The following CCDC6 variants were observed in gnomAD, a reference collection of about 807,000 sequenced individuals.
CCDC6 encodes the protein coiled-coil domain containing 6, also known as coiled-coil domain-containing protein 6.
Under a neutral mutation model 56.6 loss-of-function variants are expected in CCDC6, and 20 were observed. The observed-to-expected ratio is 0.35, with a 90% CI of 0.25 to 0.51. The LOEUF (loss-of-function observed/expected upper bound fraction) is 0.51. Among genes scored for constraint, CCDC6 ranks in the 20% least tolerant of loss-of-function variants. The pLI, the probability that CCDC6 is intolerant of heterozygous loss-of-function variation, is 0.95. For missense variants in CCDC6, 367 were observed against 601.1 expected, an observed-to-expected ratio of 0.61 and a Z score of 4.07; for synonymous variants, 241 against 234.4, an observed-to-expected ratio of 1.03 and a Z score of -0.26.
chr10:59,837,053 T>A (rs778213458), intron 2 of CCDC6, among the ~76,000 whole-genome samples: 1 of 152,236 alleles, frequency 6.6e-6, no homozygotes, highest in Non-Finnish European at 1.5e-5. Flanking sequence ...ATTAATTTGA[T>A]CTTAAGCAGG....
chr10:59,831,040 C>CTTAA (rs2070830999), intron 3 of CCDC6, among the ~76,000 whole-genome samples: 1 of 152,210 alleles, frequency 6.6e-6, no homozygotes. Flanking sequence ...GTGTCAGGGA[C>CTTAA]TTAAACACAA....
intron 1 of CCDC6, among the ~76,000 whole-genome samples, chr10:59,865,159 C>T (rs1294372772): frequency 1.3e-5 from 2 of 152,172 alleles, no homozygotes; most frequent in African/African-American, 2.4e-5. Context: ...TACCTGACAC[C>T]CGAGGTTTCC....
intron 1 of CCDC6, among the ~76,000 whole-genome samples, chr10:59,874,306 TCTC>T (rs555592707): frequency 5.3e-4 from 80 of 152,312 alleles, no homozygotes; most frequent in African/African-American, 1.7e-3. Flanking sequence ...TGCCTTTTGT[TCTC>T]CTATCCAACC....
intron 3 of CCDC6, among the ~76,000 whole-genome samples, chr10:59,818,064 C>A (rs2070721998): frequency 6.6e-6 from 1 of 152,088 alleles, no homozygotes; most frequent in Admixed American, 6.6e-5. Flanking sequence ...CCTGTCCAAC[C>A]AGCAAGTACA....
In CCDC6 at chr10:59,890,754, T is replaced by C. The variant is rs1006904198; in HGVS notation, c.303+15368A>G. On this transcript the variant is annotated intron_variant, in intron 1 of 8. Transcript: ENST00000263102. ...TTATTTTCTTTTTATTATTATACTT[T>C]AAGTTCTAGGGTACATGTGCACAAC... Among the ~76,000 whole-genome samples the C allele has an allele frequency of 2.0e-5, 3 of 152,304 alleles. No homozygotes were observed. In the South Asian group the frequency reaches 6.2e-4, roughly 32 times the overall value.
chr10:59,837,902 C>T (rs185262570), intron 2 of CCDC6, among the ~76,000 whole-genome samples: 11 of 152,166 alleles, frequency 7.2e-5, no homozygotes, highest in African/African-American at 2.2e-4. Context: ...CTGCATTGGA[C>T]CAAGTAAAGG....
intron 2 of CCDC6, among the ~76,000 whole-genome samples, chr10:59,843,132 CG>C: frequency 6.6e-6 from 1 of 152,126 alleles, no homozygotes; most frequent in African/African-American, 2.4e-5. Context: ...GTGATCTGCC[CG>C]CCTCAGCCTC....
chr10:59,859,807 C>G (rs1173532321), intron 1 of CCDC6, among the ~76,000 whole-genome samples: 1 of 152,108 alleles, frequency 6.6e-6, no homozygotes, highest in African/African-American at 2.4e-5. Flanking sequence ...TCTAGAGATA[C>G]AGAAACCACC....
At chr10:59,864,043 T>C (rs1011739627) in intron 1 of CCDC6, among the ~76,000 whole-genome samples, 2 of 152,174 alleles carry the variant, frequency 1.3e-5, no homozygotes, top group Non-Finnish European at 2.9e-5. Flanking sequence ...ACATTTTCTA[T>C]TGCAACAACA....
intron 7 of CCDC6, among the ~76,000 whole-genome samples, chr10:59,802,354 G>A (rs1176702571): frequency 2.6e-5 from 4 of 152,158 alleles, no homozygotes; most frequent in Non-Finnish European, 5.9e-5. Flanking sequence ...AAATGGAAAT[G>A]AATGCTATTC....
intron 1 of CCDC6, among the ~76,000 whole-genome samples, chr10:59,876,629 G>A (rs565330639): frequency 2.0e-5 from 3 of 147,320 alleles, no homozygotes; most frequent in Non-Finnish European, 3.0e-5. Flanking sequence ...AAGTAGCCCT[G>A]CTTCCAAACT....
rs397940135 is a variant in CCDC6 at position 59,837,746 on chromosome 10, C to CAA, written c.454-5095_454-5094dup. 8.6e-3 allele frequency among the ~76,000 whole-genome samples: 428 copies of CAA among 49,546 alleles called. 33 individuals are homozygous for CAA. The highest frequency in any genetic ancestry group is 0.02 in the African/African-American group (315 of 15,684). 32.5% of individuals were successfully genotyped at this position (49,546 alleles called of 152,430 possible). The stretch of plus-strand genomic sequence containing the variant: ...GGGCAACAAGAGTGAGACTCTGTCT[C>CAA]AAAAAAAAAAAAAAAAAAAAAAAAG... On this transcript the variant is annotated intron_variant, in intron 2 of 8. Coordinates refer to ENST00000263102, the MANE Select transcript of CCDC6 (RefSeq NM_005436.5).
At chr10:59,817,245 A>T (rs1028038825) in intron 3 of CCDC6, among the ~76,000 whole-genome samples, 7 of 152,122 alleles carry the variant, frequency 4.6e-5, no homozygotes, top group African/African-American at 1.4e-4. Context: ...CAGTGGCACG[A>T]TCATGGATCA....
At chr10:59,804,549 A>T in intron 6 of CCDC6, 29 bp from the exon 7 acceptor site, 1 of 1,289,050 alleles carries the variant, frequency 7.8e-7, no homozygotes, top group Non-Finnish European at 1.1e-6. Context: ...AAACGATAAA[A>T]CCACCTGCAT....
At position 59,839,051 on chromosome 10, in the gene CCDC6, G is replaced by A. The variant is rs553531312; in HGVS notation, c.454-6398C>T. On this transcript the variant is annotated intron_variant, in intron 2 of 8. Coordinates refer to ENST00000263102, the MANE Select transcript of CCDC6 (RefSeq NM_005436.5). ...GCTAATGCTTCAGGGCGATTACTAC[G>A]TCTCAAGCACTTTATATACACGAAC... is the stretch of plus-strand genomic sequence containing the variant. 5.3e-5 allele frequency among the ~76,000 whole-genome samples: 8 copies of A among 152,266 alleles called. No individual in the cohort carries two copies. The South Asian group carries it at 6.2e-4, about 12-fold the overall frequency.
At chr10:59,855,440 G>A (rs549629032) in intron 1 of CCDC6, among the ~76,000 whole-genome samples, 7 of 152,224 alleles carry the variant, frequency 4.6e-5, no homozygotes, top group African/African-American at 7.2e-5. Flanking sequence ...GGTGGTGAGC[G>A]CCTGTAATCC....
At chr10:59,860,149 C>T (rs2071115963) in intron 1 of CCDC6, among the ~76,000 whole-genome samples, 1 of 152,082 alleles carries the variant, frequency 6.6e-6, no homozygotes, top group African/African-American at 2.4e-5. Flanking sequence ...ATCCCAGAGT[C>T]CAGGCAAAAA....
chr10:59,877,437 G>A (rs1480274431), intron 1 of CCDC6, among the ~76,000 whole-genome samples: 1 of 152,184 alleles, frequency 6.6e-6, no homozygotes, highest in Non-Finnish European at 1.5e-5. Context: ...ATGTAAATGC[G>A]AAATGGCAGA....
chr10:59,802,930 CA>C (rs1419597839), intron 7 of CCDC6, among the ~76,000 whole-genome samples: 1 of 152,166 alleles, frequency 6.6e-6, no homozygotes, highest in Non-Finnish European at 1.5e-5. Flanking sequence ...TAATATGAAT[CA>C]GCATCACCAT....
Sources: allele counts gnomAD v4.1 joint callset (sites outside exome capture counted in the v4.1 genomes callset), GRCh38; gene constraint gnomAD v4.1.1; transcripts MANE v1.5; gene names NCBI Gene and HGNC (gene_info 2026-07-23, HGNC 2026-07-21).